Variants in APC observed in about 807,000 individuals in gnomAD.
APC encodes the protein adenomatous polyposis coli protein.
Under a neutral mutation model 247.0 loss-of-function variants are expected in APC, and 72 were observed. The ratio of observed to expected loss-of-function variants is 0.29; its 90% confidence interval spans 0.24 to 0.35. APC has a LOEUF of 0.35. Among genes scored for constraint, APC ranks in the 10% least tolerant of loss-of-function variants. The pLI is 1.00. For missense variants in APC, 3,400 were observed against 3,360.7 expected (o/e 1.01, Z -0.29); for synonymous variants, 1,254 against 1,162.5 (o/e 1.08, Z -1.60).
chr5:112,843,378 T>C lies in APC; in HGVS notation c.7784T>C (p.Ile2595Thr). 6.2e-7 allele frequency: 1 copy of C among 1,613,722 alleles called. No individual in the cohort carries two copies. The highest frequency in any genetic ancestry group is 8.5e-7 in the Non-Finnish European group (1 of 1,179,778). ...KSEDEKHVNSISGTKQSKENQ... is the reference protein window; with the variant it reads ...KSEDEKHVNSTSGTKQSKENQ... ...GAGGATGAAAAACATGTGAACTCTA[T>C]TTCAGGAACCAAACAAAGTAAAGAA... Residue 2595 changes from isoleucine (I) to threonine (T), a missense_variant, in exon 16 of 16, where the codon ATT (isoleucine) becomes ACT (threonine). Around this residue, in one of 9 missense-constraint regions of APC, gnomAD observed 1,788 missense variants for 1,649.5 expected, o/e 1.08. Transcript: ENST00000257430. The surrounding 1 kb of genome is among the most constrained non-coding windows in gnomAD (Gnocchi z 4.8).
At chr5:112,723,232 C>T (rs943491272) in intron 1 of APC, among the ~76,000 whole-genome samples, 2 of 152,082 alleles carry the variant, frequency 1.3e-5, no homozygotes, top group Non-Finnish European at 2.9e-5. Flanking sequence ...AATCCCAGCA[C>T]TTGGGGATCG....
chr5:112,821,504 G>T (rs868714857), intron 10 of APC, among the ~76,000 whole-genome samples: 24 of 145,426 alleles, frequency 1.7e-4, no homozygotes, highest in African/African-American at 3.5e-4. Flanking sequence ...ACCCTGTTTT[G>T]TTTTTTTTTT....
chr5:112,838,666 A>G lies in APC; in HGVS notation c.3072A>G (p.Pro1024=), dbSNP rs1580630557. The part of the protein sequence containing the change: ...MDDNDGELDT[P]INYSLKYSDE... ...ATAATGATGGAGAACTAGATACACCAATAAATTATAGTCTTAAATATTCAG... is the reference window on the plus strand; with the variant it reads ...ATAATGATGGAGAACTAGATACACCGATAAATTATAGTCTTAAATATTCAG... Residue 1024 remains proline (P), a synonymous_variant, in exon 16 of 16, where the codon CCA becomes CCG. Coordinates refer to ENST00000257430, the MANE Select transcript of APC (RefSeq NM_000038.6). 6.2e-7 allele frequency: 1 copy of G among 1,614,222 alleles called. No individual in the cohort carries two copies. The highest frequency in any genetic ancestry group is 1.3e-5 in the African/African-American group (1 of 75,068).
chr5:112,840,012 A>G lies in APC; in HGVS notation c.4418A>G (p.Asn1473Ser), dbSNP rs2149914235. Residue 1473 changes from asparagine to serine, a missense_variant, in exon 16 of 16, where the codon AAT becomes AGT. Coordinates refer to ENST00000257430, the MANE Select transcript of APC (RefSeq NM_000038.6). This position sits in a 1 kb window ranked among gnomAD's most constrained non-coding sequence, Gnocchi z 4.1. Reference sequence around the variant, plus strand: ...AGTGGACCTAAGCAAGCTGCAGTAAATGCTGCAGTTCAGAGGGTCCAGGTT... The same window carrying G: ...AGTGGACCTAAGCAAGCTGCAGTAAGTGCTGCAGTTCAGAGGGTCCAGGTT... ...RESGPKQAAVNAAVQRVQVLP... is the reference protein window; with the variant it reads ...RESGPKQAAVSAAVQRVQVLP... 6.2e-7 allele frequency: 1 copy of G among 1,614,112 alleles called. No homozygotes were observed. The highest frequency in any genetic ancestry group is 8.5e-7 in the Non-Finnish European group (1 of 1,179,996).
chr5:112,754,086 G>C (rs1463790584), intron 1 of APC, among the ~76,000 whole-genome samples: 1 of 152,070 alleles, frequency 6.6e-6, no homozygotes, highest in Non-Finnish European at 1.5e-5. Context: ...GCCAGACTCT[G>C]CTTCATTTCT....
At chr5:112,729,258 T>G (rs1751967584) in intron 1 of APC, among the ~76,000 whole-genome samples, 1 of 152,192 alleles carries the variant, frequency 6.6e-6, no homozygotes, top group Non-Finnish European at 1.5e-5. Flanking sequence ...ATATTCCACT[T>G]TGGAAAACAA....
Position 112,792,224 on chromosome 5 carries a change from C to T in APC, c.646-222C>T, listed in dbSNP as rs533339449. Among the ~76,000 whole-genome samples, 87 of 150,412 alleles carry T rather than the reference C, an allele frequency of 5.8e-4. 1 individual carries two copies. In the South Asian group the frequency reaches 0.013, roughly 23 times the overall value. On this transcript the variant is annotated intron_variant, in intron 6 of 15. Coordinates refer to ENST00000257430, the MANE Select transcript of APC (RefSeq NM_000038.6). Reference sequence around the variant, plus strand: ...TTATGCCACTGCACTCCAGCCAGGGCAACAGAGCGAGACTCTGTCTCGAAA... The same window carrying T: ...TTATGCCACTGCACTCCAGCCAGGGTAACAGAGCGAGACTCTGTCTCGAAA...
At chr5:112,810,419 C>T (rs1315554561) in intron 8 of APC, 1 of 214,358 alleles carries the variant, frequency 4.7e-6, no homozygotes, top group Admixed American at 5.5e-5. Flanking sequence ...AGAAGAGCCA[C>T]AGTTTTATAT....
rs1060503371 is a variant in APC, at chr5:112,838,749, C to T, written c.3155C>T (p.Pro1052Leu). The T allele has an allele frequency of 6.2e-7, 1 of 1,613,990 alleles. No homozygotes were observed. The stretch of plus-strand genomic sequence containing the variant: ...TCACAGAATGAAAGATGGGCAAGAC[C>T]CAAACACATAATAGAAGATGAAATA... Reference protein sequence around the residue: ...SPSQNERWARPKHIIEDEIKQ... With the variant: ...SPSQNERWARLKHIIEDEIKQ... Residue 1052 changes from proline (P) to leucine (L), a missense_variant, in exon 16 of 16, where the codon CCC becomes CTC. Physicochemically the swap from Pro to Leu is moderately conservative, Grantham distance 98. This residue lies in a region of APC where 715 missense variants were observed against 656.6 expected (regional missense o/e 1.09). Transcript: ENST00000257430.
Position 112,840,469 on chromosome 5 carries a change from A to C in APC, c.4875A>C (p.Gln1625His). 1 of 1,614,196 alleles carries C rather than the reference A, an allele frequency of 6.2e-7. No homozygotes were observed. Among genetic ancestry groups the C allele is most frequent in the Non-Finnish European group, 8.5e-7 (1 of 1,180,008 alleles). Residue 1625 changes from glutamine (Q) to histidine (H), a missense_variant, in exon 16 of 16, where the codon CAA (glutamine) becomes CAC (histidine). By Grantham distance (24) the Gln-to-His change is conservative (BLOSUM62 0). Coordinates refer to ENST00000257430, the MANE Select transcript of APC (RefSeq NM_000038.6). The surrounding 1 kb of genome is among the most constrained non-coding windows in gnomAD (Gnocchi z 4.1). ...YKLLPSQNRL[Q>H]PQKHVSFTPG... ...TTCTACCATCACAAAACAGGTTGCA[A>C]CCCCAAAAGCATGTTAGTTTTACAC...
chr5:112,708,003 C>A, intron 1 of APC: 1 of 1,027,132 alleles, frequency 9.7e-7, no homozygotes, highest in Non-Finnish European at 1.3e-6. Flanking sequence ...CTCCATGTCT[C>A]ACCCTCTCCC....
At chr5:112,710,545 C>T (rs1428782089) in intron 1 of APC, among the ~76,000 whole-genome samples, 1 of 152,194 alleles carries the variant, frequency 6.6e-6, no homozygotes, top group Non-Finnish European at 1.5e-5. Context: ...TTCAGCCTCT[C>T]CCTCTCTAGC....
upstream of APC, among the ~76,000 whole-genome samples, chr5:112,736,037 T>G (rs1561415918): frequency 6.6e-6 from 1 of 152,230 alleles, no homozygotes; most frequent in Admixed American, 6.5e-5. Context: ...TTAAAAGGTA[T>G]TCTTTGTTTT....
upstream of APC, chr5:112,737,759 G>A: frequency 2.4e-6 from 2 of 831,672 alleles, no homozygotes; most frequent in Non-Finnish European, 2.9e-6. Context: ...GGAGAGAGAA[G>A]CAGCTGTGTA....
intron 1 of APC, 33 bp from the exon 2 acceptor site, chr5:112,754,840 T>G (rs757367039): frequency 6.2e-7 from 1 of 1,608,892 alleles, no homozygotes; most frequent in Non-Finnish European, 8.5e-7. Context: ...AATTTTTTAG[T>G]AGTGAATTTC....
intron 1 of APC, among the ~76,000 whole-genome samples, chr5:112,730,150 T>C (rs904833264): frequency 9.8e-5 from 15 of 152,366 alleles, no homozygotes; most frequent in African/African-American, 3.6e-4. Flanking sequence ...TTGTAGATTC[T>C]AAAAGGACAT....
chr5:112,792,285 C>T (rs886909915), intron 6 of APC, among the ~76,000 whole-genome samples, 161 bp from the exon 7 acceptor site: 1 of 151,802 alleles, frequency 6.6e-6, no homozygotes, highest in Non-Finnish European at 1.5e-5. Context: ...TTGAACTGAC[C>T]CCAATTTGTT....
intron 1 of APC, among the ~76,000 whole-genome samples, chr5:112,722,971 C>G (rs1215679716): frequency 6.6e-6 from 1 of 152,126 alleles, no homozygotes; most frequent in East Asian, 1.9e-4. Flanking sequence ...TCTGACTCTT[C>G]TTGGCCTCTC....
intron 6 of APC, among the ~76,000 whole-genome samples, chr5:112,792,012 C>T (rs1039751166): frequency 6.6e-6 from 1 of 152,062 alleles, no homozygotes; most frequent in Non-Finnish European, 1.5e-5. Context: ...CTTTGGGAAG[C>T]CGAGGCAGGC....
Sources: allele counts gnomAD v4.1 joint callset (sites outside exome capture counted in the v4.1 genomes callset), GRCh38; gene constraint gnomAD v4.1.1; regional missense constraint gnomAD v4.1.1; non-coding constraint Gnocchi (gnomAD v3.1); transcripts MANE v1.5; gene names NCBI Gene and HGNC (gene_info 2026-07-23, HGNC 2026-07-21).